Variants in DGKI observed in about 807,000 individuals in gnomAD.
DGKI encodes DAG kinase iota.
In DGKI, 55 loss-of-function variants were observed where a neutral mutation model predicts 147.5. That is an observed-to-expected ratio of 0.37 (90% confidence interval 0.30 to 0.47). The LOEUF is 0.47. Ranked by LOEUF, DGKI falls within the 20% of genes least tolerant of loss-of-function variation. The probability of loss-of-function intolerance (pLI) is 1.00; values close to 1 mark genes in which losing one functional copy is unlikely to be tolerated. For missense variants in DGKI, 1,007 were observed against 1,323.8 expected, an observed-to-expected ratio of 0.76 and a Z score of 3.71; for synonymous variants, 469 against 477.1, an observed-to-expected ratio of 0.98 and a Z score of 0.22.
chr7:137,825,542 T>C (rs1315061353), intron 1 of DGKI, among the ~76,000 whole-genome samples: 1 of 152,164 alleles, frequency 6.6e-6, no homozygotes, highest in Non-Finnish European at 1.5e-5. Context: ...GCTCAGAGAA[T>C]GAGACCTATC....
intron 21 of DGKI, among the ~76,000 whole-genome samples, chr7:137,516,194 T>C (rs1159722444): frequency 6.6e-6 from 1 of 152,174 alleles, no homozygotes; most frequent in Non-Finnish European, 1.5e-5. Context: ...TGTACTTACA[T>C]GGTTTCTAAT....
chr7:137,446,530 A>G (rs963948529), intron 27 of DGKI, among the ~76,000 whole-genome samples: 7 of 152,164 alleles, frequency 4.6e-5, no homozygotes, highest in Non-Finnish European at 8.8e-5. Context: ...TTTTGAAACC[A>G]GCCTGGCCAA....
chr7:137,845,626 A>C (rs1798688756), intron 1 of DGKI, among the ~76,000 whole-genome samples: 1 of 152,136 alleles, frequency 6.6e-6, no homozygotes, highest in Non-Finnish European at 1.5e-5. Flanking sequence ...GGTGAGAGAG[A>C]CCTTAATAAA....
chr7:137,670,355 C>T (rs995301729), intron 3 of DGKI, among the ~76,000 whole-genome samples: 1 of 140,404 alleles, frequency 7.1e-6, no homozygotes, highest in African/African-American at 3.2e-5. Flanking sequence ...AATATACAGA[C>T]AGCACTTGGT....
intron 21 of DGKI, among the ~76,000 whole-genome samples, chr7:137,507,614 C>G (rs917135294): frequency 1.7e-4 from 26 of 152,174 alleles, no homozygotes; most frequent in Non-Finnish European, 3.7e-4. Flanking sequence ...ATATTTTTCA[C>G]GTCTATAAGT....
intron 27 of DGKI, among the ~76,000 whole-genome samples, chr7:137,459,538 G>A (rs1353595068): frequency 3.5e-5 from 5 of 142,428 alleles, no homozygotes; most frequent in African/African-American, 1.1e-4. Flanking sequence ...GCAGTGGCAC[G>A]GTCTTGGCTC....
chr7:137,708,715 G>A (rs565628216), intron 1 of DGKI, among the ~76,000 whole-genome samples: 1 of 152,270 alleles, frequency 6.6e-6, no homozygotes, highest in South Asian at 2.1e-4. Flanking sequence ...GGAAAAACCA[G>A]ACAATACATA....
At chr7:137,760,949 T>C (rs2116805064) in intron 1 of DGKI, among the ~76,000 whole-genome samples, 1 of 152,314 alleles carries the variant, frequency 6.6e-6, no homozygotes, top group African/African-American at 2.4e-5. Flanking sequence ...TCCTTAGAGA[T>C]CTTAATTCAA....
chr7:137,813,331 A>G (rs916155571), intron 1 of DGKI, among the ~76,000 whole-genome samples: 2 of 152,212 alleles, frequency 1.3e-5, no homozygotes, highest in African/African-American at 2.4e-5. Context: ...GCAAGCTGAC[A>G]GCCTTCTTTG....
intron 7 of DGKI, among the ~76,000 whole-genome samples, chr7:137,621,366 G>A (rs1820740834): frequency 6.6e-6 from 1 of 152,004 alleles, no homozygotes; most frequent in African/African-American, 2.4e-5. Flanking sequence ...GTCTCTCAAT[G>A]AATACTTAAG....
intron 32 of DGKI, among the ~76,000 whole-genome samples, chr7:137,394,831 T>C (rs1811489084): frequency 6.6e-6 from 1 of 152,172 alleles, no homozygotes; most frequent in Non-Finnish European, 1.5e-5. Flanking sequence ...CCGATTTTGT[T>C]ATGTGGCTGG....
rs1563125224 is a variant in DGKI, at chr7:137,638,478, G to GTATATATATGTGTGTA, written c.804+6993_804+6994insTACACACATATATATA. On this transcript the variant is annotated intron_variant, in intron 6 of 32. Coordinates refer to ENST00000614521, the MANE Select transcript of DGKI (RefSeq NM_001321708.2). The stretch of plus-strand genomic sequence containing the variant: ...CATATATATGTGTGTATATATGTGT[G>GTATATATATGTGTGTA]TATATATATACACACATATATATGT... Among the ~76,000 whole-genome samples the GTATATATATGTGTGTA allele has an allele frequency of 1.0e-3, 89 of 87,920 alleles. 12 individuals carry two copies. The highest frequency in any genetic ancestry group is 5.9e-3 in the African/African-American group (83 of 13,982). The allele number at this position is 87,920 out of a possible 152,430, so 57.7% of individuals were successfully genotyped here. A position where few individuals can be genotyped will look rare whatever the true frequency, so the allele number is the denominator to read the frequency against.
At chr7:137,505,739 A>C (rs551637974) in intron 21 of DGKI, among the ~76,000 whole-genome samples, 39 of 151,174 alleles carry the variant, frequency 2.6e-4, no homozygotes, top group African/African-American at 8.0e-4. Flanking sequence ...ACTGGTACCC[A>C]AAAAATACAT....
At chr7:137,599,332 C>T (rs1819905196) in intron 11 of DGKI, among the ~76,000 whole-genome samples, 1 of 152,160 alleles carries the variant, frequency 6.6e-6, no homozygotes, top group South Asian at 2.1e-4. Flanking sequence ...GTCTTCCCCA[C>T]ATTTGTGCAG....
intron 23 of DGKI, among the ~76,000 whole-genome samples, chr7:137,479,958 G>A (rs569471126): frequency 3.3e-5 from 5 of 152,014 alleles, no homozygotes; most frequent in South Asian, 4.2e-4. Flanking sequence ...CCTCCATCTC[G>A]AACCTACTTT....
intron 1 of DGKI, among the ~76,000 whole-genome samples, chr7:137,749,643 C>CTTTTTTAAATTTTTTAAATTT (rs1795439825): frequency 6.6e-6 from 1 of 152,128 alleles, no homozygotes; most frequent in African/African-American, 2.4e-5. Context: ...ATTTTGTGGA[C>CTTTTTTAAATTTTTTAAATTT]TGAGTGCTTG....
chr7:137,538,812 G>T (rs1320947504), intron 20 of DGKI, among the ~76,000 whole-genome samples: 1 of 152,182 alleles, frequency 6.6e-6, no homozygotes, highest in Admixed American at 6.6e-5. Context: ...ACTTTGAAAA[G>T]TAAACGATAG....
At chr7:137,537,052 T>C (rs1817544390) in intron 20 of DGKI, among the ~76,000 whole-genome samples, 1 of 152,154 alleles carries the variant, frequency 6.6e-6, no homozygotes, top group Non-Finnish European at 1.5e-5. Context: ...AGATGTCTGT[T>C]TTATGGAACT....
chr7:137,546,010 T>A, intron 20 of DGKI: 1 of 697,704 alleles, frequency 1.4e-6, no homozygotes, highest in East Asian at 2.7e-5. Context: ...AGCGACAGCG[T>A]GGACAGACAA....
Sources: allele counts gnomAD v4.1 joint callset (sites outside exome capture counted in the v4.1 genomes callset), GRCh38; gene constraint gnomAD v4.1.1; transcripts MANE v1.5; gene names NCBI Gene and HGNC (gene_info 2026-07-23, HGNC 2026-07-21).